The following RAD18 variants were observed in gnomAD, a reference collection of about 807,000 sequenced individuals.
RAD18 encodes E3 ubiquitin-protein ligase RAD18.
RAD18 carries 47 observed loss-of-function variants against 60.4 expected under a neutral mutation model. That is an observed-to-expected ratio of 0.78 (90% CI 0.62 to 0.99). The LOEUF (loss-of-function observed/expected upper bound fraction) is 0.99. Among genes scored for constraint, RAD18 ranks in the 50% least tolerant of loss-of-function variants. The pLI, the probability that RAD18 is intolerant of heterozygous loss-of-function variation, is 0.00. For synonymous variants in RAD18, 225 were observed against 195.5 expected (o/e 1.15, Z -1.26); for missense variants, 640 against 593.3 (o/e 1.08, Z -0.82).
intron 11 of RAD18, among the ~76,000 whole-genome samples, chr3:8,892,713 T>A (rs989646617): frequency 1.3e-5 from 2 of 152,210 alleles, no homozygotes; most frequent in Non-Finnish European, 2.9e-5. Flanking sequence ...ATTCCTTTTG[T>A]AGCATCTTAT....
At chr3:8,891,197 A>C (rs1939683674) in intron 11 of RAD18, among the ~76,000 whole-genome samples, 1 of 151,720 alleles carries the variant, frequency 6.6e-6, no homozygotes, top group Non-Finnish European at 1.5e-5. Context: ...CCTACTGAAA[A>C]CCCACGAGCT....
chr3:8,939,693 G>T, intron 5 of RAD18, 40 bp from the exon 6 acceptor site: 1 of 1,538,588 alleles, frequency 6.5e-7, no homozygotes, highest in Non-Finnish European at 8.9e-7. Flanking sequence ...TTTATTAATT[G>T]TAGAAGGGGC....
At chr3:8,947,143 A>C in intron 4 of RAD18, 77 bp downstream of exon 4, 2 of 1,108,578 alleles carry the variant, frequency 1.8e-6, no homozygotes, top group Non-Finnish European at 2.7e-6. Context: ...TCCCTAATCC[A>C]AAGGTGCACA....
At chr3:8,922,306 G>A (rs968622871) in intron 7 of RAD18, among the ~76,000 whole-genome samples, 45 of 152,204 alleles carry the variant, frequency 3.0e-4, no homozygotes, top group Admixed American at 2.2e-3. Flanking sequence ...TGCCTGGCTC[G>A]GAGGGTCCTA....
chr3:8,894,313 A>C (rs930115215), intron 11 of RAD18, among the ~76,000 whole-genome samples: 1 of 152,218 alleles, frequency 6.6e-6, no homozygotes, highest in African/African-American at 2.4e-5. Flanking sequence ...AGCTTAAGAG[A>C]AAATAATAAA....
chr3:8,887,007 A>T (rs928103970), intron 12 of RAD18, among the ~76,000 whole-genome samples: 1 of 152,232 alleles, frequency 6.6e-6, no homozygotes, highest in Non-Finnish European at 1.5e-5. Context: ...ATGAACTGGT[A>T]ACAGACCAAG....
intron 2 of RAD18, among the ~76,000 whole-genome samples, chr3:8,950,615 G>A (rs772072324): frequency 7.9e-5 from 12 of 152,066 alleles, no homozygotes; most frequent in Non-Finnish European, 1.8e-4. Flanking sequence ...CTTTTACCCA[G>A]GACATCATTT....
In RAD18 at chr3:8,890,156, T is replaced by C. The variant is rs45520234; in HGVS notation, c.1385+233A>G. 8.0e-3 allele frequency: 4,177 copies of C among 520,046 alleles called. 127 individuals carry two copies. Among genetic ancestry groups the C allele is most frequent in the African/African-American group, 0.069 (3,618 of 52,360 alleles). The allele number at this position is 520,046 out of a possible 1,614,324, so 32.2% of individuals were successfully genotyped here. On this transcript the variant is annotated intron_variant, in intron 12 of 12. Coordinates refer to ENST00000264926, the MANE Select transcript of RAD18 (RefSeq NM_020165.4). ...CTGTATTAATTGCCCATAAGAACAA[T>C]TTATCCATACAGAAATAACATCTGA... is the stretch of plus-strand genomic sequence containing the variant.
chr3:8,951,174 A>G (rs1940920197), intron 2 of RAD18, among the ~76,000 whole-genome samples: 1 of 152,234 alleles, frequency 6.6e-6, no homozygotes, highest in African/African-American at 2.4e-5. Flanking sequence ...TAACCAGGAT[A>G]AATGCAAAAA....
At chr3:8,940,534 C>G (rs1245895965) in intron 5 of RAD18, among the ~76,000 whole-genome samples, 2 of 152,208 alleles carry the variant, frequency 1.3e-5, no homozygotes, top group Non-Finnish European at 2.9e-5. Context: ...ACACTCACAT[C>G]TCTGCACTAC....
In RAD18 at chr3:8,880,370, T is replaced by C. The variant is rs250404; in HGVS notation, c.*987A>G. The C allele has an allele frequency of 0.54, 82,401 of 152,126 alleles. 25,697 individuals carry two copies. Among genetic ancestry groups the C allele is most frequent in the Middle Eastern group, 0.73 (215 of 294 alleles). The allele number at this position is 152,126 out of a possible 1,614,324, so 9.4% of individuals were successfully genotyped here. On this transcript the variant is annotated 3_prime_UTR_variant, in exon 13 of 13. Transcript: ENST00000264926. The stretch of plus-strand genomic sequence containing the variant: ...TCATTTGAAAGCTGATGTGTTTGGG[T>C]TGGGTGATGGCAGAGGGGTGGGAGT...
intron 9 of RAD18, among the ~76,000 whole-genome samples, chr3:8,905,658 T>C (rs997369136): frequency 6.6e-6 from 1 of 152,238 alleles, no homozygotes; most frequent in Non-Finnish European, 1.5e-5. Flanking sequence ...TACAGGCTTA[T>C]TCATCTAGCC....
intron 7 of RAD18, among the ~76,000 whole-genome samples, chr3:8,926,678 C>A (rs373549753): frequency 1.3e-5 from 2 of 152,128 alleles, no homozygotes; most frequent in Non-Finnish European, 2.9e-5. Context: ...GCTACAGTAA[C>A]CAAAACAGCA....
intron 10 of RAD18, among the ~76,000 whole-genome samples, chr3:8,899,884 T>G (rs1036029627): frequency 2.0e-5 from 3 of 152,172 alleles, no homozygotes; most frequent in African/African-American, 7.2e-5. Flanking sequence ...CAGAGCTCCT[T>G]TCATGTGTTT....
At chr3:8,887,828 T>C (rs577535766) in intron 12 of RAD18, among the ~76,000 whole-genome samples, 1 of 152,274 alleles carries the variant, frequency 6.6e-6, no homozygotes, top group East Asian at 1.9e-4. Context: ...TGGGGAGAGA[T>C]TGCCCCTGCT....
At chr3:8,913,232 T>C (rs1575543008) in intron 8 of RAD18, among the ~76,000 whole-genome samples, 1 of 152,212 alleles carries the variant, frequency 6.6e-6, no homozygotes, top group Non-Finnish European at 1.5e-5. Flanking sequence ...ACTTAATTTA[T>C]CCTCTTATAA....
chr3:8,952,069 T>C (rs943899287), intron 2 of RAD18, among the ~76,000 whole-genome samples: 1 of 152,102 alleles, frequency 6.6e-6, no homozygotes, highest in African/African-American at 2.4e-5. Flanking sequence ...CACCAACACA[T>C]TGGGGTTGGG....
chr3:8,886,100 C>T (rs888567231), intron 12 of RAD18, among the ~76,000 whole-genome samples: 15 of 152,152 alleles, frequency 9.9e-5, no homozygotes, highest in African/African-American at 3.1e-4. Context: ...TGTTTAGCTG[C>T]TAGAGAAAAA....
chr3:8,937,089 T>C (rs1043155189), intron 6 of RAD18, among the ~76,000 whole-genome samples: 2 of 152,214 alleles, frequency 1.3e-5, no homozygotes, highest in Admixed American at 1.3e-4. Flanking sequence ...CAATAGATTA[T>C]ATTTTTCTGA....
Sources: gnomAD v4.1 joint callset for allele counts (sites outside exome capture counted in the v4.1 genomes callset) on GRCh38, gnomAD v4.1.1 for gene constraint, MANE v1.5 for transcripts, NCBI Gene and HGNC (gene_info 2026-07-23, HGNC 2026-07-21) for gene names.